UNC13C: variants seen among roughly 807,000 people sequenced by gnomAD.
UNC13C encodes unc-13 homolog C.
Under a neutral mutation model 245.4 loss-of-function variants are expected in UNC13C, and 174 were observed. The observed-to-expected ratio is 0.71, with a 90% CI of 0.63 to 0.80. UNC13C has a LOEUF of 0.80. Ranked by LOEUF, UNC13C falls within the 30% of genes least tolerant of loss-of-function variation. The pLI, the probability that UNC13C is intolerant of heterozygous loss-of-function variation, is 0.00. For synonymous variants in UNC13C, 992 were observed against 895.1 expected (o/e 1.11, Z -1.93); for missense variants, 2,829 against 2,602.9 (o/e 1.09, Z -1.89).
the UNC13C span, among the ~76,000 whole-genome samples, chr15:53,917,317 T>C: frequency 5.3e-5 from 8 of 152,122 alleles, no homozygotes; most frequent in African/African-American, 1.9e-4. Flanking sequence ...TCTCATAGTA[T>C]CAAACACCTT....
chr15:53,920,331 T>C, the UNC13C span, among the ~76,000 whole-genome samples: 1 of 152,198 alleles, frequency 6.6e-6, no homozygotes, highest in East Asian at 1.9e-4. Context: ...TTCAGCACTT[T>C]GGGAGGCTGG....
chr15:54,265,597 T>A, intron 10 of UNC13C, 101 bp downstream of exon 10: 1 of 912,194 alleles, frequency 1.1e-6, no homozygotes, highest in South Asian at 3.6e-5. Context: ...TTTTTAATAA[T>A]CTCTTACCCA....
At chr15:54,143,793 T>A in intron 4 of UNC13C, 109 bp downstream of exon 4, 2 of 695,206 alleles carry the variant, frequency 2.9e-6, no homozygotes, top group Non-Finnish European at 4.7e-6. Context: ...GCTAGCCTCA[T>A]TGTTACTTCA....
chr15:54,208,216 C>T (rs1018138633), intron 4 of UNC13C, among the ~76,000 whole-genome samples: 2 of 152,082 alleles, frequency 1.3e-5, no homozygotes, highest in African/African-American at 4.8e-5. Flanking sequence ...CAAGAACTCA[C>T]TTATCACCAA....
intron 3 of UNC13C, 77 bp downstream of exon 3, chr15:54,143,117 G>A: frequency 7.4e-7 from 1 of 1,347,444 alleles, no homozygotes; most frequent in Non-Finnish European, 1.1e-6. Context: ...TATTAGATCT[G>A]TTTGATTCCT....
chr15:54,183,643 A>T (rs2033873119), intron 4 of UNC13C, among the ~76,000 whole-genome samples: 1 of 151,944 alleles, frequency 6.6e-6, no homozygotes, highest in African/African-American at 2.4e-5. Flanking sequence ...ACCATGGATT[A>T]TCGAAACGAT....
chr15:54,297,682 G>A (rs2037471977), intron 11 of UNC13C, 129 bp from the exon 12 acceptor site: 2 of 695,264 alleles, frequency 2.9e-6, no homozygotes, highest in East Asian at 5.4e-5. Flanking sequence ...AAGCAGCTCT[G>A]ACTCAGAAAA....
chr15:54,239,829 A>G (rs1026477099), intron 7 of UNC13C, among the ~76,000 whole-genome samples: 1 of 152,226 alleles, frequency 6.6e-6, no homozygotes, highest in African/African-American at 2.4e-5. Flanking sequence ...CAAAGCAGAC[A>G]TCCTCTGGTG....
At chr15:54,282,604 TAGC>T (rs2037028358) in intron 10 of UNC13C, among the ~76,000 whole-genome samples, 1 of 152,142 alleles carries the variant, frequency 6.6e-6, no homozygotes, top group Non-Finnish European at 1.5e-5. Flanking sequence ...GGTGGTGTGT[TAGC>T]AGCTCAGTTG....
At chr15:53,985,235 A>T (rs950564421) in intron 1 of UNC13C, among the ~76,000 whole-genome samples, 3 of 151,160 alleles carry the variant, frequency 2.0e-5, no homozygotes, top group African/African-American at 7.3e-5. Context: ...GCTGAGAATG[A>T]TGGTTTCCAG....
At chr15:54,315,357 C>A (rs951850083) in intron 13 of UNC13C, among the ~76,000 whole-genome samples, 1 of 151,508 alleles carries the variant, frequency 6.6e-6, no homozygotes, top group Non-Finnish European at 1.5e-5. Context: ...CAAATAACTT[C>A]TTTTCTGTCC....
the UNC13C span, among the ~76,000 whole-genome samples, chr15:53,862,398 G>A: frequency 6.6e-6 from 1 of 152,108 alleles, no homozygotes; most frequent in Non-Finnish European, 1.5e-5. Flanking sequence ...ATAAGCAGGA[G>A]TGTTTCATTC....
chr15:54,067,221 T>C (rs567478736), intron 2 of UNC13C, among the ~76,000 whole-genome samples: 1 of 152,294 alleles, frequency 6.6e-6, no homozygotes, highest in East Asian at 1.9e-4. Flanking sequence ...GAAAACTGTA[T>C]TGTCGTCACA....
chr15:54,142,345 G>C (rs749535244), intron 2 of UNC13C, among the ~76,000 whole-genome samples: 11 of 152,166 alleles, frequency 7.2e-5, no homozygotes, highest in Admixed American at 6.5e-4. Flanking sequence ...GATGTAAAGA[G>C]CACCAGATGG....
chr15:54,524,208 T>A (rs1203617868), intron 24 of UNC13C, among the ~76,000 whole-genome samples: 2 of 149,674 alleles, frequency 1.3e-5, no homozygotes, highest in African/African-American at 2.6e-5. Flanking sequence ...ATTTTCTCAC[T>A]CTTATAGAAG....
At chr15:53,926,282 G>C in the UNC13C span, among the ~76,000 whole-genome samples, 1 of 152,074 alleles carries the variant, frequency 6.6e-6, no homozygotes, top group Non-Finnish European at 1.5e-5. Flanking sequence ...TAATTTGTAG[G>C]ATTTGGAATT....
chr15:54,304,017 T>A (rs1402352305), intron 13 of UNC13C, among the ~76,000 whole-genome samples: 1 of 152,128 alleles, frequency 6.6e-6, no homozygotes, highest in Non-Finnish European at 1.5e-5. Flanking sequence ...AAAACTCCTG[T>A]TCACACTAGA....
At chr15:53,932,827 C>T in the UNC13C span, among the ~76,000 whole-genome samples, 2,985 of 152,264 alleles carry the variant, frequency 0.02, 101 homozygotes, top group African/African-American at 0.07. Flanking sequence ...CTTTTCAGAA[C>T]TTTAAAACCC....
At position 54,463,829 on chromosome 15, in the gene UNC13C, G is replaced by A. The variant is rs528823025; in HGVS notation, c.4934-30779G>A. Reference sequence around the variant, plus strand: ...AAAGGCAGAATTCTTGAAATTGAGAGTTGAAGGGAATGCCATTGTTGGTAA... The same window carrying A: ...AAAGGCAGAATTCTTGAAATTGAGAATTGAAGGGAATGCCATTGTTGGTAA... On this transcript the variant is annotated intron_variant, in intron 19 of 32. Coordinates refer to ENST00000260323, the MANE Select transcript of UNC13C (RefSeq NM_001080534.3). Among the ~76,000 whole-genome samples the A allele has an allele frequency of 5.9e-5, 9 of 152,274 alleles. No homozygotes were observed. In the South Asian group the frequency reaches 1.9e-3, roughly 32 times the overall value.
Sources: gnomAD v4.1 joint callset for allele counts (sites outside exome capture counted in the v4.1 genomes callset) on GRCh38, gnomAD v4.1.1 for gene constraint, MANE v1.5 for transcripts, NCBI Gene and HGNC (gene_info 2026-07-23, HGNC 2026-07-21) for gene names.